CENPL: variants seen among roughly 807,000 people sequenced by gnomAD.
CENPL encodes the protein interphase centromere complex protein 33.
In CENPL, 20 loss-of-function variants were observed where a neutral mutation model predicts 35.2. That is an observed-to-expected ratio of 0.57 (90% CI 0.40 to 0.83). The LOEUF (loss-of-function observed/expected upper bound fraction) is 0.83. CENPL is among the 40% of genes least tolerant of loss of function. The pLI, the probability that CENPL is intolerant of heterozygous loss-of-function variation, is 0.00. For missense variants in CENPL, 363 were observed against 395.8 expected (o/e 0.92, Z 0.70); for synonymous variants, 140 against 140.6 (o/e 1.00, Z 0.03).
intron 4 of CENPL, among the ~76,000 whole-genome samples, chr1:173,804,659 C>T (rs1444423637): frequency 6.6e-6 from 1 of 152,142 alleles, no homozygotes; most frequent in Admixed American, 6.5e-5. Context: ...AAATCTCTCC[C>T]AACTTATACT....
chr1:173,801,407 G>C (rs566951254), intron 5 of CENPL, among the ~76,000 whole-genome samples: 1 of 151,118 alleles, frequency 6.6e-6, no homozygotes, highest in Non-Finnish European at 1.5e-5. Context: ...CCAGCTACTC[G>C]GGAGGCTGAG....
intron 2 of CENPL, among the ~76,000 whole-genome samples, chr1:173,820,689 T>C (rs1135333): frequency 0.053 from 8,043 of 152,176 alleles, 682 homozygotes; most frequent in African/African-American, 0.18. Flanking sequence ...GGGTGAATGA[T>C]AAATAAACTG....
intron 2 of CENPL, among the ~76,000 whole-genome samples, chr1:173,819,683 CTTATT>C (rs547277291): frequency 3.6e-4 from 55 of 152,102 alleles, no homozygotes; most frequent in African/African-American, 1.1e-3. Context: ...ACTATATTTA[CTTATT>C]TTATTTTATT....
rs1405415343 is a variant in CENPL at position 173,807,298 on chromosome 1, G to A, written c.389C>T (p.Thr130Ile). The A allele has an allele frequency of 6.2e-7, 1 of 1,611,340 alleles. No homozygotes were observed. Among genetic ancestry groups the A allele is most frequent in the Non-Finnish European group, 8.5e-7 (1 of 1,178,274 alleles). The change falls in exon 4 of 6, where the codon ACA becomes ATA. Residue 130 changes from threonine to isoleucine, a missense_variant. Physicochemically the swap from Thr to Ile is moderately conservative, Grantham distance 89. Coordinates refer to ENST00000682279, the MANE Select transcript of CENPL (RefSeq NM_001387287.1). ...IFSTLLGMKG[T>I]QRDPEAFLVQ... is the part of the protein sequence containing the mutation. ...AAGAAATGCTTCCGGGTCCCTTTGTGTTCCTTTCATTCCTAGGAGAGTAGA... is the reference window on the plus strand; with the variant it reads ...AAGAAATGCTTCCGGGTCCCTTTGTATTCCTTTCATTCCTAGGAGAGTAGA...
chr1:173,813,479 G>T (rs967242070), intron 2 of CENPL, among the ~76,000 whole-genome samples: 1 of 152,112 alleles, frequency 6.6e-6, no homozygotes, highest in African/African-American at 2.4e-5. Context: ...CGGATCTCTC[G>T]GCAGAAACTC....
intron 3 of CENPL, chr1:173,808,591 C>G (rs964440644): frequency 1.1e-4 from 16 of 151,218 alleles, no homozygotes; most frequent in African/African-American, 3.9e-4. Context: ...CCCCCTTCCC[C>G]CTTTGTCACT....
At chr1:173,807,880 T>C (rs1650382135) in intron 3 of CENPL, among the ~76,000 whole-genome samples, 1 of 152,220 alleles carries the variant, frequency 6.6e-6, no homozygotes, top group Non-Finnish European at 1.5e-5. Flanking sequence ...CCCAACATTA[T>C]ATTCTTGTCT....
At chr1:173,820,178 T>C (rs1004034394) in intron 2 of CENPL, among the ~76,000 whole-genome samples, 4 of 152,148 alleles carry the variant, frequency 2.6e-5, no homozygotes, top group African/African-American at 4.8e-5. Context: ...CCAGTGAACA[T>C]TTCCTTCCAG....
intron 5 of CENPL, among the ~76,000 whole-genome samples, chr1:173,801,796 G>A (rs1484489190): frequency 6.6e-6 from 1 of 151,950 alleles, no homozygotes; most frequent in Non-Finnish European, 1.5e-5. Context: ...CCCCAGCCTG[G>A]GTGACAGAGT....
At chr1:173,811,021 T>G (rs757074009) in intron 3 of CENPL, 111 bp downstream of exon 3, 7 of 860,800 alleles carry the variant, frequency 8.1e-6, no homozygotes, top group East Asian at 5.0e-5. Context: ...TTTATTTTAT[T>G]AGCTGAGGGG....
chr1:173,808,361 G>A (rs576675010), intron 3 of CENPL: 2 of 151,808 alleles, frequency 1.3e-5, no homozygotes, highest in South Asian at 4.2e-4. Context: ...AGTGAGCCGA[G>A]ATCACGCCAC....
chr1:173,802,267 G>T (rs1043129590), intron 5 of CENPL, among the ~76,000 whole-genome samples: 1 of 151,632 alleles, frequency 6.6e-6, no homozygotes. Flanking sequence ...GTGCAGTGGC[G>T]CGATCTCGGC....
In CENPL at chr1:173,802,829, C is replaced by T. The variant is rs555552541; in HGVS notation, c.963+134G>A. The T allele has an allele frequency of 6.5e-5, 41 of 633,388 alleles. 1 individual carries two copies. The Middle Eastern group carries it at 1.3e-3, about 20-fold the overall frequency. 39.2% of individuals were successfully genotyped at this position (633,388 alleles called of 1,614,324 possible). A position where few individuals can be genotyped will look rare whatever the true frequency, so the allele number is the denominator to read the frequency against. Reference sequence around the variant, plus strand: ...CTAAAGACTGCAATAAACCATAAACCATAAAATAAAAGCTCTCTATTGTCT... The same window carrying T: ...CTAAAGACTGCAATAAACCATAAACTATAAAATAAAAGCTCTCTATTGTCT... On this transcript the variant is annotated intron_variant, in intron 5 of 5. Coordinates refer to ENST00000682279, the MANE Select transcript of CENPL (RefSeq NM_001387287.1).
intron 2 of CENPL, chr1:173,823,593 T>G (rs1652220560): frequency 6.6e-6 from 1 of 152,248 alleles, no homozygotes; most frequent in African/African-American, 2.4e-5. Flanking sequence ...TCAGTAAATC[T>G]TATCCATTTT....
intron 2 of CENPL, among the ~76,000 whole-genome samples, chr1:173,819,861 TTTTG>T (rs199677830): frequency 2.6e-4 from 24 of 92,710 alleles, no homozygotes; most frequent in East Asian, 7.7e-4. Flanking sequence ...CTGGCTAATT[TTTTG>T]TTTGTTTTTT....
intron 3 of CENPL, among the ~76,000 whole-genome samples, chr1:173,809,877 T>C (rs1043180035): frequency 4.6e-5 from 7 of 151,920 alleles, no homozygotes; most frequent in African/African-American, 1.7e-4. Flanking sequence ...CTGGTGAGGT[T>C]GTGGAGAAAA....
chr1:173,819,993 G>A (rs528690888), intron 2 of CENPL, among the ~76,000 whole-genome samples: 9 of 151,906 alleles, frequency 5.9e-5, no homozygotes, highest in South Asian at 4.1e-4. Context: ...GTGAGCCACC[G>A]CACTCGGCCC....
In CENPL at chr1:173,812,367, A is replaced by G. The variant is rs534164622; in HGVS notation, c.-7-1061T>C. ...TAAGAACAGACAGACTGCCTCCTCA[A>G]GTGGGTCCCTGACCCCCGTGTAGCC... On this transcript the variant is annotated intron_variant, in intron 2 of 5. Coordinates refer to ENST00000682279, the MANE Select transcript of CENPL (RefSeq NM_001387287.1). Among the ~76,000 whole-genome samples the G allele has an allele frequency of 2.0e-5, 3 of 152,352 alleles. No individual in the cohort carries two copies. The East Asian group carries it at 5.8e-4, about 29-fold the overall frequency.
At chr1:173,815,704 T>C (rs1651301804) in intron 2 of CENPL, among the ~76,000 whole-genome samples, 1 of 152,150 alleles carries the variant, frequency 6.6e-6, no homozygotes. Context: ...ATAAAAGCTA[T>C]TTATGACAAA....
Sources: gnomAD v4.1 joint callset for allele counts (sites outside exome capture counted in the v4.1 genomes callset) on GRCh38, gnomAD v4.1.1 for gene constraint, MANE v1.5 for transcripts, NCBI Gene and HGNC (gene_info 2026-07-23, HGNC 2026-07-21) for gene names.